PTPRT: variants seen among roughly 807,000 people sequenced by gnomAD.
The protein encoded by PTPRT is protein tyrosine phosphatase receptor type T.
A neutral mutation model predicts 176.8 loss-of-function variants in PTPRT; 56 were observed. The ratio of observed to expected loss-of-function variants is 0.32; its 90% CI spans 0.26 to 0.40. The LOEUF is 0.40. PTPRT is among the 10% of genes least tolerant of loss of function. The pLI, the probability that PTPRT is intolerant of heterozygous loss-of-function variation, is 1.00. For synonymous variants in PTPRT, 783 were observed against 739.0 expected, an observed-to-expected ratio of 1.06 and a Z score of -0.96; for missense variants, 1,540 against 1,908.2, an observed-to-expected ratio of 0.81 and a Z score of 3.60.
intron 6 of PTPRT, among the ~76,000 whole-genome samples, chr20:42,695,396 A>G (rs1355128354): frequency 5.3e-5 from 8 of 152,208 alleles, no homozygotes; most frequent in East Asian, 1.9e-4. Context: ...ACACACAACT[A>G]CGCTTGATTC....
At chr20:42,969,318 G>A (rs1982482876) in intron 1 of PTPRT, 1 of 152,174 alleles carries the variant, frequency 6.6e-6, no homozygotes, top group East Asian at 1.9e-4. Context: ...GTGCAAGTCA[G>A]AAGAGGGGGA....
chr20:43,150,835 T>C (rs1034949903), intron 1 of PTPRT, among the ~76,000 whole-genome samples: 3 of 151,884 alleles, frequency 2.0e-5, no homozygotes, highest in East Asian at 1.9e-4. Context: ...TGTTACAGAG[T>C]TGGTACAATG....
intron 9 of PTPRT, among the ~76,000 whole-genome samples, chr20:42,380,826 T>C (rs1463407477): frequency 6.6e-6 from 1 of 152,204 alleles, no homozygotes. Context: ...TGCATTGCTA[T>C]AAAGAAATAC....
intron 9 of PTPRT, among the ~76,000 whole-genome samples, chr20:42,406,420 C>T (rs899398090): frequency 4.6e-5 from 7 of 151,798 alleles, no homozygotes; most frequent in African/African-American, 7.3e-5. Flanking sequence ...TTGAGAATTT[C>T]GAGAGTGATA....
At chr20:42,757,347 G>C (rs940612943) in intron 5 of PTPRT, among the ~76,000 whole-genome samples, 7 of 152,120 alleles carry the variant, frequency 4.6e-5, no homozygotes, top group Non-Finnish European at 7.4e-5. Flanking sequence ...AATAAACACC[G>C]CCTGGCTCAC....
At chr20:42,043,655 A>G in the PTPRT span, among the ~76,000 whole-genome samples, 2 of 152,222 alleles carry the variant, frequency 1.3e-5, no homozygotes, top group Admixed American at 6.5e-5. Flanking sequence ...GACATGGAAC[A>G]TGAGTGAGAA....
At chr20:42,839,264 A>T (rs1300996932) in intron 2 of PTPRT, among the ~76,000 whole-genome samples, 1 of 148,852 alleles carries the variant, frequency 6.7e-6, no homozygotes, top group Non-Finnish European at 1.5e-5. Flanking sequence ...AGCTCTCTCA[A>T]TGTCACTCTG....
At chr20:42,356,152 A>T (rs2058355503) in intron 9 of PTPRT, among the ~76,000 whole-genome samples, 1 of 152,198 alleles carries the variant, frequency 6.6e-6, no homozygotes, top group Middle Eastern at 3.4e-3. Flanking sequence ...GAAAAATGGG[A>T]TGGGAGGGAG....
chr20:42,719,973 C>T (rs2146227194), intron 6 of PTPRT, among the ~76,000 whole-genome samples: 1 of 152,310 alleles, frequency 6.6e-6, no homozygotes, highest in South Asian at 2.1e-4. Flanking sequence ...AACTCACATG[C>T]ATTTGGGCAA....
chr20:43,060,319 GA>G (rs1987404708), intron 1 of PTPRT, among the ~76,000 whole-genome samples: 1 of 152,178 alleles, frequency 6.6e-6, no homozygotes, highest in African/African-American at 2.4e-5. Context: ...CTGCGTCCTG[GA>G]ACATGGATGG....
At chr20:42,426,373 G>A (rs532163054) in intron 9 of PTPRT, among the ~76,000 whole-genome samples, 76 of 152,156 alleles carry the variant, frequency 5.0e-4, no homozygotes, top group African/African-American at 1.8e-3. Context: ...AGAGGAAACC[G>A]GCTGCTGGAT....
At chr20:42,750,939 G>A (rs184010244) in intron 6 of PTPRT, among the ~76,000 whole-genome samples, 1 of 152,162 alleles carries the variant, frequency 6.6e-6, no homozygotes, top group East Asian at 1.9e-4. Context: ...TGTATACCCA[G>A]GTACATTATC....
intron 1 of PTPRT, among the ~76,000 whole-genome samples, chr20:42,946,441 C>A (rs569575926): frequency 1.3e-5 from 2 of 152,290 alleles, no homozygotes; most frequent in East Asian, 3.9e-4. Flanking sequence ...CCAGAAATCC[C>A]AAGAACTAAC....
chr20:43,105,327 C>A (rs570697126), intron 1 of PTPRT, among the ~76,000 whole-genome samples: 5 of 152,014 alleles, frequency 3.3e-5, no homozygotes, highest in Non-Finnish European at 7.4e-5. Flanking sequence ...ATCTCTCCCC[C>A]ACTTCCCCAG....
chr20:42,637,698 A>C (rs970594601), intron 7 of PTPRT, among the ~76,000 whole-genome samples: 1 of 152,136 alleles, frequency 6.6e-6, no homozygotes, highest in African/African-American at 2.4e-5. Context: ...AAGAACAGGG[A>C]CTTGGTTTGA....
chr20:42,803,344 G>A (rs2077557704), intron 2 of PTPRT, among the ~76,000 whole-genome samples: 1 of 152,224 alleles, frequency 6.6e-6, no homozygotes, highest in African/African-American at 2.4e-5. Flanking sequence ...CCCAGGGGAT[G>A]CTGACACCCA....
chr20:42,480,397 C>A (rs1339368476), intron 7 of PTPRT, among the ~76,000 whole-genome samples: 1 of 152,108 alleles, frequency 6.6e-6, no homozygotes, highest in Non-Finnish European at 1.5e-5. Context: ...GATCTCTGAC[C>A]TGGTTCTGAG....
At chr20:42,057,632 A>G in the PTPRT span, among the ~76,000 whole-genome samples, 1 of 152,130 alleles carries the variant, frequency 6.6e-6, no homozygotes, top group Admixed American at 6.5e-5. Flanking sequence ...TCTGTCACCC[A>G]GGCTGGAATG....
intron 7 of PTPRT, among the ~76,000 whole-genome samples, chr20:42,590,661 T>C (rs748983286): frequency 3.3e-5 from 5 of 152,226 alleles, no homozygotes; most frequent in Middle Eastern, 3.4e-3. Context: ...GATTGTTTAA[T>C]TGAGTCTTCA....
Sources: allele counts gnomAD v4.1 joint callset (sites outside exome capture counted in the v4.1 genomes callset), GRCh38; gene constraint gnomAD v4.1.1; transcripts MANE v1.5; gene names NCBI Gene and HGNC (gene_info 2026-07-23, HGNC 2026-07-21).